The following PCDHA1 variants were observed in gnomAD, a reference collection of about 807,000 sequenced individuals.
The protein encoded by PCDHA1 is protocadherin alpha 1.
Under a neutral mutation model 61.3 loss-of-function variants are expected in PCDHA1, and 42 were observed. That is an observed-to-expected ratio of 0.69 (90% CI 0.54 to 0.89). The LOEUF (loss-of-function observed/expected upper bound fraction) is 0.89, where lower values mean the gene tolerates loss of function less well. Among genes scored for constraint, PCDHA1 ranks in the 40% least tolerant of loss-of-function variants. The pLI, the probability that PCDHA1 is intolerant of heterozygous loss-of-function variation, is 0.00. For synonymous variants in PCDHA1, 610 were observed against 553.8 expected (o/e 1.10, Z -1.43); for missense variants, 1,256 against 1,235.3 (o/e 1.02, Z -0.25).
chr5:140,920,400 T>C (rs1185930806), intron 1 of PCDHA1, among the ~76,000 whole-genome samples: 1 of 152,244 alleles, frequency 6.6e-6, no homozygotes, highest in Non-Finnish European at 1.5e-5. Context: ...TGGTGTCTTT[T>C]TTTAATCAGA....
intron 1 of PCDHA1, chr5:140,828,634 T>C (rs1769862472): frequency 6.2e-7 from 1 of 1,614,188 alleles, no homozygotes; most frequent in Non-Finnish European, 8.5e-7. Context: ...TCGGGCTAGA[T>C]GTGAAAATAA....
At position 140,877,853 on chromosome 5, in the gene PCDHA1, A is replaced by G. The variant is rs1299590962; in HGVS notation, c.2394+89169A>G. On this transcript the variant is annotated intron_variant, in intron 1 of 3. Transcript: ENST00000504120. ...CCTCCCAGTGAAGTAAGTTATTAAT[A>G]TTATTTAGATATATTTGTTTCCTTG... 2.0e-6 allele frequency: 3 copies of G among 1,535,406 alleles called. No homozygotes were observed. The East Asian group carries it at 7.1e-5, about 36-fold the overall frequency.
intron 1 of PCDHA1, among the ~76,000 whole-genome samples, chr5:140,887,189 C>T (rs1268664594): frequency 6.6e-6 from 1 of 151,836 alleles, no homozygotes; most frequent in Non-Finnish European, 1.5e-5. Context: ...CTCCACCTCC[C>T]GGGTTCACGC....
At chr5:140,941,214 C>CCTTTCTTCCTTTCTTTCTTTCTTTCTTT (rs2092875794) in intron 1 of PCDHA1, among the ~76,000 whole-genome samples, 1 of 122,414 alleles carries the variant, frequency 8.2e-6, no homozygotes, top group Non-Finnish European at 1.7e-5. Flanking sequence ...TTTCTTTCTT[C>CCTTTCTTCCTTTCTTTCTTTCTTTCTTT]CTTTCTTTCT....
intron 1 of PCDHA1, chr5:140,835,952 G>A (rs1366259888): frequency 1.2e-6 from 2 of 1,612,910 alleles, no homozygotes; most frequent in Non-Finnish European, 1.7e-6. Flanking sequence ...TGCAGCCGTT[G>A]GACCACGAGG....
chr5:140,796,218 G>C, intron 1 of PCDHA1: 1 of 1,614,210 alleles, frequency 6.2e-7, no homozygotes, highest in Non-Finnish European at 8.5e-7. Context: ...GCGAGAGCGT[G>C]TCAGCCTATG....
chr5:140,900,446 T>G (rs1344652526), intron 1 of PCDHA1, among the ~76,000 whole-genome samples: 1 of 152,154 alleles, frequency 6.6e-6, no homozygotes, highest in Non-Finnish European at 1.5e-5. Flanking sequence ...GCCGGCTAAT[T>G]TTTTATTTTT....
At chr5:140,929,353 C>T in intron 1 of PCDHA1, 1 of 1,527,090 alleles carries the variant, frequency 6.5e-7, no homozygotes, top group Non-Finnish European at 8.8e-7. Context: ...AATTTGATTC[C>T]TTTGGCCCGG....
intron 1 of PCDHA1, among the ~76,000 whole-genome samples, chr5:140,837,663 C>A (rs1159426304): frequency 6.6e-6 from 1 of 150,710 alleles, no homozygotes; most frequent in Non-Finnish European, 1.5e-5. Context: ...CTTTTTCTTT[C>A]ATTCTTTTTC....
intron 1 of PCDHA1, chr5:140,836,001 G>C (rs2150250076): frequency 6.2e-7 from 1 of 1,613,350 alleles, no homozygotes; most frequent in Admixed American, 1.7e-5. Context: ...CGCGCGCGAT[G>C]CGGGCGTGCC....
chr5:140,826,843 G>A (rs1033501047), intron 1 of PCDHA1, among the ~76,000 whole-genome samples: 2 of 152,078 alleles, frequency 1.3e-5, no homozygotes, highest in African/African-American at 2.4e-5. Context: ...TTTCTCAAGT[G>A]TCTTGCAATT....
chr5:140,823,077 G>A (rs1470317828), intron 1 of PCDHA1: 4 of 1,614,028 alleles, frequency 2.5e-6, no homozygotes, highest in Non-Finnish European at 3.4e-6. Flanking sequence ...CGCCTTCGCT[G>A]TGGGCCACCG....
At position 140,788,254 on chromosome 5, in the gene PCDHA1, G is replaced by T. The variant is rs781909050; in HGVS notation, c.1964G>T (p.Gly655Val). ...CTTCTGGTGCTAGTGAAGGATCACG[G>T]TGAGCCGGCGCTGACAGCCACGGCC... ...YRLLVLVKDH[G>V]EPALTATATV... is the part of the protein sequence containing the mutation. Residue 655 changes from glycine (G) to valine (V), a missense_variant, in exon 1 of 4, where the codon GGT becomes GTT. By Grantham distance (109) the Gly-to-Val change is moderately radical. Transcript: ENST00000504120. 6.2e-7 allele frequency: 1 copy of T among 1,613,966 alleles called. No individual in the cohort carries two copies. Among genetic ancestry groups the T allele is most frequent in the Non-Finnish European group, 8.5e-7 (1 of 1,179,932 alleles).
At chr5:140,985,000 C>T (rs1237251178) in intron 3 of PCDHA1, among the ~76,000 whole-genome samples, 5 of 151,948 alleles carry the variant, frequency 3.3e-5, no homozygotes, top group Non-Finnish European at 7.4e-5. Context: ...TCCAGTGGCA[C>T]GATATCGGCT....
chr5:140,853,230 G>T, intron 1 of PCDHA1: 1 of 982,608 alleles, frequency 1.0e-6, no homozygotes. Flanking sequence ...TGGTAATTTA[G>T]TCCTTCATAT....
At chr5:140,841,478 G>T (rs2150316253) in intron 1 of PCDHA1, 16 of 1,612,980 alleles carry the variant, frequency 9.9e-6, no homozygotes, top group Non-Finnish European at 1.2e-5. Context: ...GCAGGACCTG[G>T]GGCTGGAGCT....
At chr5:140,828,511 G>C in intron 1 of PCDHA1, 1 of 1,614,248 alleles carries the variant, frequency 6.2e-7, no homozygotes, top group Non-Finnish European at 8.5e-7. Flanking sequence ...AACAAAGAGT[G>C]CTGATTTACG....
intron 1 of PCDHA1, chr5:140,797,525 T>A: frequency 1.3e-6 from 1 of 797,290 alleles, no homozygotes; most frequent in Non-Finnish European, 2.0e-6. Context: ...ACAATTTATT[T>A]AAACAATCTA....
At chr5:140,861,615 C>G (rs2046996028) in intron 1 of PCDHA1, 1 of 348,276 alleles carries the variant, frequency 2.9e-6, no homozygotes, top group African/African-American at 2.1e-5. Context: ...TAAAGACAAC[C>G]TGCCAGTGTT....
Sources: gnomAD v4.1 joint callset for allele counts (sites outside exome capture counted in the v4.1 genomes callset) on GRCh38, gnomAD v4.1.1 for gene constraint, MANE v1.5 for transcripts, NCBI Gene and HGNC (gene_info 2026-07-23, HGNC 2026-07-21) for gene names.